Variants in NT5C1B observed in about 807,000 individuals in gnomAD.
NT5C1B encodes the protein cytosolic 5'-nucleotidase 1B.
A neutral mutation model predicts 57.8 loss-of-function variants in NT5C1B; 44 were observed. The ratio of observed to expected loss-of-function variants is 0.76; its 90% CI spans 0.60 to 0.98. The LOEUF is 0.98. Ranked by LOEUF, NT5C1B falls within the 50% of genes least tolerant of loss-of-function variation. The probability of loss-of-function intolerance (pLI) is 0.00; values close to 1 mark genes in which losing one functional copy is unlikely to be tolerated. For synonymous variants in NT5C1B, 284 were observed against 282.6 expected, an observed-to-expected ratio of 1.00 and a Z score of -0.05; for missense variants, 742 against 719.5, an observed-to-expected ratio of 1.03 and a Z score of -0.36.
chr2:18,586,986 C>T (rs746618283), intron 2 of NT5C1B: 26 of 1,614,184 alleles, frequency 1.6e-5, no homozygotes, highest in Non-Finnish European at 2.2e-5. Flanking sequence ...AGTGTGATCT[C>T]TGCTCACCCT....
At chr2:18,576,446 C>T in intron 7 of NT5C1B, 78 bp from the exon 8 acceptor site, 2 of 1,494,114 alleles carry the variant, frequency 1.3e-6, no homozygotes, top group Non-Finnish European at 1.8e-6. Flanking sequence ...AAAACAAATT[C>T]TCCCAGACCT....
chr2:18,579,484 C>T (rs911011739), intron 6 of NT5C1B, among the ~76,000 whole-genome samples: 1 of 152,120 alleles, frequency 6.6e-6, no homozygotes, highest in Non-Finnish European at 1.5e-5. Flanking sequence ...GAAATAAAGC[C>T]ACACACCTAC....
rs746961719 is a variant in NT5C1B at position 18,584,478 on chromosome 2, G to A, written c.723+36C>T. On this transcript the variant is annotated intron_variant, in intron 4 of 8. Transcript: ENST00000304081. This position sits in a 1 kb window ranked among gnomAD's most constrained non-coding sequence, Gnocchi z 5.8. ...GCGGCTGGAAGAGGCTGCAAGGAAGGGCGCCCCGGCTGCCAGGGGCGGCGG... is the reference window on the plus strand; with the variant it reads ...GCGGCTGGAAGAGGCTGCAAGGAAGAGCGCCCCGGCTGCCAGGGGCGGCGG... The A allele has an allele frequency of 2.5e-6, 4 of 1,588,752 alleles. No homozygotes were observed. The South Asian group carries it at 4.5e-5, about 18-fold the overall frequency.
At position 18,566,132 on chromosome 2, in the gene NT5C1B, T is replaced by C. The variant is rs554485753; in HGVS notation, c.1330-2013A>G. Among the ~76,000 whole-genome samples the C allele has an allele frequency of 2.6e-5, 4 of 152,292 alleles. No homozygotes were observed. The East Asian group carries it at 5.8e-4, about 22-fold the overall frequency. On this transcript the variant is annotated intron_variant, in intron 8 of 8. Transcript: ENST00000304081. ...TTTTCTTGTAAGAGCTCTTCATCTGTTATTAGATTTTTTTCTTTTTTAATC... is the reference window on the plus strand; with the variant it reads ...TTTTCTTGTAAGAGCTCTTCATCTGCTATTAGATTTTTTTCTTTTTTAATC...
chr2:18,567,497 C>T (rs910716038), intron 8 of NT5C1B, among the ~76,000 whole-genome samples: 2 of 152,144 alleles, frequency 1.3e-5, no homozygotes, highest in African/African-American at 4.8e-5. Context: ...AGGAGACCTT[C>T]TCTGCAGCAG....
chr2:18,586,529 T>C, intron 2 of NT5C1B, 138 bp from the exon 3 acceptor site: 1 of 1,305,470 alleles, frequency 7.7e-7, no homozygotes. Context: ...GACTCTTAAC[T>C]CAACCTGAAC....
rs562358276 is a variant in NT5C1B at position 18,581,919 on chromosome 2, A to G, written c.1021+949T>C. ...TGAGAAGGTTGTACACAATCAGTTC[A>G]TCAGCAGAATTAACAGGTGAATAAC... On this transcript the variant is annotated intron_variant, in intron 6 of 8. Transcript: ENST00000304081. Among the ~76,000 whole-genome samples, 3 of 152,358 alleles carry G rather than the reference A, an allele frequency of 2.0e-5. No homozygotes were observed. In the East Asian group the frequency reaches 5.8e-4, roughly 29 times the overall value.
exon 9 of NT5C1B, chr2:18,563,845 C>T (rs760296227): frequency 5.0e-6 from 8 of 1,609,348 alleles, no homozygotes; most frequent in Non-Finnish European, 2.5e-6. Context: ...GGAACCTAAC[C>T]TCTGTGCCCC....
At position 18,584,546 on chromosome 2, in the gene NT5C1B, C is replaced by T. The variant is rs1245376185; in HGVS notation, c.691G>A (p.Glu231Lys). The T allele has an allele frequency of 3.1e-6, 5 of 1,612,072 alleles. No homozygotes were observed. Among genetic ancestry groups the T allele is most frequent in the South Asian group, 2.2e-5 (2 of 90,780 alleles). Residue 231 changes from glutamate to lysine, a missense_variant, in exon 4 of 9, where the codon GAG becomes AAG. Coordinates refer to ENST00000304081, the Ensembl canonical transcript of NT5C1B. The surrounding 1 kb of genome is among the most constrained non-coding windows in gnomAD (Gnocchi z 5.8). ...GGGCGCGAGCAGCTCGGGTTCTTCT[C>T]GTAGAACGACCTCATGGATGCCCAG...
At chr2:18,572,933 G>C (rs1391990693) in intron 8 of NT5C1B, among the ~76,000 whole-genome samples, 2 of 152,078 alleles carry the variant, frequency 1.3e-5, no homozygotes, top group Non-Finnish European at 2.9e-5. Context: ...ACATGACCTA[G>C]CAATTCCACT....
chr2:18,563,822 C>CA lies in NT5C1B; in HGVS notation c.1626dup (p.Gly543TrpfsTer3). On this transcript the variant is annotated frameshift_variant, in exon 9 of 9. Coordinates refer to ENST00000304081, the Ensembl canonical transcript of NT5C1B. LOFTEE classifies it high-confidence loss of function. ...TAACTACTGAATTTTTTATTAAAGCCATAAGCTGCGATGGAACCTAACCTC... is the reference window on the plus strand; with the variant it reads ...TAACTACTGAATTTTTTATTAAAGCCAATAAGCTGCGATGGAACCTAACCTC... The CA allele has an allele frequency of 6.3e-7, 1 of 1,579,902 alleles. No individual in the cohort carries two copies. The highest frequency in any genetic ancestry group is 1.1e-5 in the South Asian group (1 of 87,256).
intron 1 of NT5C1B, among the ~76,000 whole-genome samples, 160 bp from the exon 2 acceptor site, chr2:18,587,752 T>C (rs1422175175): frequency 6.6e-6 from 1 of 152,210 alleles, no homozygotes; most frequent in Non-Finnish European, 1.5e-5. Context: ...CTAACAAGCA[T>C]GAGTAAAAGG....
chr2:18,563,791 T>A, exon 9 of NT5C1B: 1 of 1,529,810 alleles, frequency 6.5e-7, no homozygotes, highest in African/African-American at 1.4e-5. Context: ...TTCTCCTCCC[T>A]GCCCCTAACT....
intron 6 of NT5C1B, among the ~76,000 whole-genome samples, chr2:18,580,343 G>C (rs1222471432): frequency 1.3e-5 from 2 of 152,220 alleles, no homozygotes; most frequent in African/African-American, 4.8e-5. Flanking sequence ...GCAGGGCATG[G>C]TGGCTCACGC....
chr2:18,576,349 C>G, exon 8 of NT5C1B: 1 of 1,613,064 alleles, frequency 6.2e-7, no homozygotes, highest in Non-Finnish European at 8.5e-7. Context: ...CTCCATCAAA[C>G]ATTGTCGCAG....
At chr2:18,582,933 A>C in exon 6 of NT5C1B, 3 of 1,614,148 alleles carry the variant, frequency 1.9e-6, no homozygotes, top group Non-Finnish European at 2.5e-6. Flanking sequence ...CATCAGTACA[A>C]TATCAAATAA....
chr2:18,587,584 A>G (rs16985306), exon 2 of NT5C1B: 380,727 of 1,611,168 alleles, frequency 0.24, 51,873 homozygotes, highest in African/African-American at 0.62. Flanking sequence ...ACCTCATTCC[A>G]GGCTCATTCT....
At chr2:18,569,607 T>C (rs1278027968) in intron 8 of NT5C1B, among the ~76,000 whole-genome samples, 1 of 152,018 alleles carries the variant, frequency 6.6e-6, no homozygotes, top group Non-Finnish European at 1.5e-5. Flanking sequence ...TATATGAGTA[T>C]CAGATGAATA....
chr2:18,574,990 AAAG>A (rs1665547453), intron 8 of NT5C1B, among the ~76,000 whole-genome samples: 1 of 152,120 alleles, frequency 6.6e-6, no homozygotes, highest in African/African-American at 2.4e-5. Flanking sequence ...AAGCTGAAAA[AAAG>A]AACAAAGTAC....
Sources: allele counts gnomAD v4.1 joint callset (sites outside exome capture counted in the v4.1 genomes callset), GRCh38; gene constraint gnomAD v4.1.1; non-coding constraint Gnocchi (gnomAD v3.1); transcripts MANE v1.5; gene names NCBI Gene and HGNC (gene_info 2026-07-23, HGNC 2026-07-21).